UNKL: variants seen among roughly 807,000 people sequenced by gnomAD.
UNKL encodes unk like zinc finger.
A neutral mutation model predicts 78.0 loss-of-function variants in UNKL; 60 were observed. The ratio of observed to expected loss-of-function variants is 0.77; its 90% CI spans 0.63 to 0.95. UNKL has a LOEUF of 0.95. Among genes scored for constraint, UNKL ranks in the 40% least tolerant of loss-of-function variants. The pLI, the probability that UNKL is intolerant of heterozygous loss-of-function variation, is 0.00. For synonymous variants in UNKL, 608 were observed against 474.8 expected (o/e 1.28, Z -3.65); for missense variants, 1,159 against 1,045.7 (o/e 1.11, Z -1.49).
intron 11 of UNKL, among the ~76,000 whole-genome samples, chr16:1,370,701 G>A (rs1333486673): frequency 1.3e-5 from 2 of 152,240 alleles, no homozygotes; most frequent in African/African-American, 2.4e-5. Flanking sequence ...CACTTGTCCA[G>A]GCCCCCTGAA....
At position 1,370,341 on chromosome 16, in the gene UNKL, G is replaced by A. The variant is rs566933782; in HGVS notation, c.1374C>T (p.Ala458=). 1.9e-5 allele frequency: 29 copies of A among 1,532,864 alleles called. No homozygotes were observed. The African/African-American group carries it at 2.2e-4, about 12-fold the overall frequency. The allele number at this position is 1,532,864 out of a possible 1,614,324, so 95.0% of individuals were successfully genotyped here. Residue 458 remains alanine (A), a synonymous_variant, in exon 12 of 15, where the codon GCC becomes GCT. Transcript: ENST00000389221. Reference sequence around the variant, plus strand: ...CGGGGATGGCGACAGGTGCAGAGCCGGCCAGCGACCTGGGACCTGGCGGGG... The same window carrying A: ...CGGGGATGGCGACAGGTGCAGAGCCAGCCAGCGACCTGGGACCTGGCGGGG... ...DLGAAGPRSL[A]GSAPVAIPGS... is the part of the protein sequence containing the mutation.
intron 2 of UNKL, among the ~76,000 whole-genome samples, chr16:1,405,285 A>G (rs1214171752): frequency 2.0e-5 from 3 of 147,286 alleles, no homozygotes; most frequent in African/African-American, 8.0e-5. Context: ...GGGAGGGAGA[A>G]AGGAAGGAAG....
Position 1,366,093 on chromosome 16 carries a change from T to G in UNKL, c.*147A>C, listed in dbSNP as rs2035228490. The G allele has an allele frequency of 2.0e-6, 2 of 982,232 alleles. No homozygotes were observed. The highest frequency in any genetic ancestry group is 2.8e-6 in the Non-Finnish European group (2 of 720,156). The allele number at this position is 982,232 out of a possible 1,614,324, so 60.8% of individuals were successfully genotyped here. ...CTGTCAGGCCAAGCGCAGGCGGGGCTCCCAGCCTCATGATAACGTGTAACA... is the reference window on the plus strand; with the variant it reads ...CTGTCAGGCCAAGCGCAGGCGGGGCGCCCAGCCTCATGATAACGTGTAACA... On this transcript the variant is annotated 3_prime_UTR_variant, in exon 15 of 15. Coordinates refer to ENST00000389221, the MANE Select transcript of UNKL (RefSeq NM_001372107.1).
At chr16:1,398,303 C>T (rs972993743) in intron 5 of UNKL, 6 of 999,198 alleles carry the variant, frequency 6.0e-6, no homozygotes, top group South Asian at 4.2e-5. Flanking sequence ...CTCTACTCTT[C>T]GTGGAATCTC....
chr16:1,413,504 G>C (rs150272323), intron 2 of UNKL, among the ~76,000 whole-genome samples: 1,925 of 152,244 alleles, frequency 0.013, 45 homozygotes, highest in African/African-American at 0.043. Flanking sequence ...GGAGGTAGAG[G>C]CTGCAGTGAG....
intron 10 of UNKL, among the ~76,000 whole-genome samples, chr16:1,378,292 G>C (rs1475851264): frequency 6.6e-6 from 1 of 152,208 alleles, no homozygotes; most frequent in African/African-American, 2.4e-5. Flanking sequence ...TTGATGACGG[G>C]CAGGGCCAAG....
Position 1,403,202 on chromosome 16 carries a change from G to A in UNKL, c.430C>T (p.Pro144Ser). Residue 144 changes from proline to serine, a missense_variant, in exon 3 of 15, where the codon CCC becomes TCC. Physicochemically the swap from Pro to Ser is moderately conservative, Grantham distance 74 (BLOSUM62 -1). Transcript: ENST00000389221. This position sits in a 1 kb window ranked among gnomAD's most constrained non-coding sequence, Gnocchi z 4.8. ...NGLHCAFAHG[P>S]LDLRPPVCDV... ...CACACGGGCGGCCGCAGGTCCAGGGGGCCGTGCGCGAAGGCACAGTGCAGC... is the reference window on the plus strand; with the variant it reads ...CACACGGGCGGCCGCAGGTCCAGGGAGCCGTGCGCGAAGGCACAGTGCAGC... The A allele has an allele frequency of 6.2e-7, 1 of 1,613,706 alleles. No individual in the cohort carries two copies. The highest frequency in any genetic ancestry group is 1.1e-5 in the South Asian group (1 of 91,024).
intron 2 of UNKL, among the ~76,000 whole-genome samples, chr16:1,407,678 A>G (rs1287299024): frequency 1.3e-5 from 2 of 150,340 alleles, no homozygotes; most frequent in East Asian, 3.9e-4. Flanking sequence ...CCTGGGCGAC[A>G]GAGTGAGGCC....
chr16:1,384,113 C>T lies in UNKL; in HGVS notation c.1264+1095G>A, dbSNP rs1028684438. On this transcript the variant is annotated intron_variant, in intron 10 of 14. Coordinates refer to ENST00000389221, the MANE Select transcript of UNKL (RefSeq NM_001372107.1). ...GAGAGGCAGGTTTGGGTCCCTTGGG[C>T]GCTGGTGGCCATGGAACATGGGGCT... 9.2e-5 allele frequency among the ~76,000 whole-genome samples: 14 copies of T among 152,236 alleles called. 1 individual carries two copies. In the South Asian group the frequency reaches 2.5e-3, roughly 27 times the overall value.
chr16:1,390,297 T>C (rs1046982023), intron 9 of UNKL, among the ~76,000 whole-genome samples: 3 of 152,220 alleles, frequency 2.0e-5, no homozygotes, highest in African/African-American at 7.2e-5. Flanking sequence ...GTTCTGCTGT[T>C]GGAACGGCCC....
Position 1,414,685 on chromosome 16 carries a change from A to T in UNKL, c.7T>A (p.Ser3Thr). MPSVSKAAAAALS... is the reference protein window; with the variant it reads MPTVSKAAAAALS... ...GCCGCTGCCGCCGCTTTCGAAACCG[A>T]CGGCATTTTCAGTCAAAACAATGCA... The change falls in exon 1 of 15, where the codon TCG becomes ACG. Residue 3 changes from serine (S) to threonine (T), a missense_variant. Physicochemically the swap from Ser to Thr is moderately conservative, Grantham distance 58. Transcript: ENST00000389221. 1 of 1,144,722 alleles carries T rather than the reference A, an allele frequency of 8.7e-7. No homozygotes were observed. The allele number at this position is 1,144,722 out of a possible 1,614,324, so 70.9% of individuals were successfully genotyped here.
In UNKL at chr16:1,363,400, C is replaced by A; in HGVS notation, c.*2840G>T. ...TTCAAATAACATTCTCATGTAAATA[C>A]TCAAACATACAGATTGAGGCTTCCA... On this transcript the variant is annotated 3_prime_UTR_variant, in exon 15 of 15. Transcript: ENST00000389221. 1 of 391,218 alleles carries A rather than the reference C, an allele frequency of 2.6e-6. No homozygotes were observed. Among genetic ancestry groups the A allele is most frequent in the Non-Finnish European group, 4.9e-6 (1 of 206,028 alleles). The allele number at this position is 391,218 out of a possible 1,614,324, so 24.2% of individuals were successfully genotyped here.
chr16:1,369,929 C>T (rs780579192), intron 12 of UNKL: 32 of 1,545,316 alleles, frequency 2.1e-5, no homozygotes, highest in African/African-American at 1.9e-4. Context: ...GAGCCGAGAT[C>T]GTACCATTGC....
chr16:1,370,406 C>G, intron 11 of UNKL, 49 bp from the exon 12 acceptor site: 1 of 1,522,584 alleles, frequency 6.6e-7, no homozygotes, highest in Non-Finnish European at 8.8e-7. Flanking sequence ...AGGCCTCTGC[C>G]CAAACATCTG....
At chr16:1,397,921 A>G (rs1477103236) in intron 5 of UNKL, among the ~76,000 whole-genome samples, 1 of 152,222 alleles carries the variant, frequency 6.6e-6, no homozygotes, top group African/African-American at 2.4e-5. Context: ...GGGGCCCTGG[A>G]GTGACAGGCA....
chr16:1,398,353 A>AT, intron 5 of UNKL: 1 of 1,024,706 alleles, frequency 9.8e-7, no homozygotes, highest in African/African-American at 1.7e-5. Flanking sequence ...TATGGGACAC[A>AT]TTAAGTGCCT....
At chr16:1,404,726 T>A (rs531188571) in intron 2 of UNKL, among the ~76,000 whole-genome samples, 1 of 152,270 alleles carries the variant, frequency 6.6e-6, no homozygotes, top group South Asian at 2.1e-4. Context: ...TGGGCGCCAA[T>A]GGAGTCAATA....
chr16:1,366,058 A>T lies in UNKL; in HGVS notation c.*182T>A, dbSNP rs1441212177. On this transcript the variant is annotated 3_prime_UTR_variant, in exon 15 of 15. Coordinates refer to ENST00000389221, the MANE Select transcript of UNKL (RefSeq NM_001372107.1). ...AGGACTAGATAGGTGACAACGTGTG[A>T]CAGGAAAGGCTGTCAGGCCAAGCGC... is the stretch of plus-strand genomic sequence containing the variant. 4.7e-6 allele frequency: 3 copies of T among 631,876 alleles called. No individual in the cohort carries two copies. In the East Asian group the frequency reaches 9.3e-5, roughly 20 times the overall value. The allele number at this position is 631,876 out of a possible 1,614,324, so 39.1% of individuals were successfully genotyped here.
chr16:1,391,063 T>A (rs1411829029), intron 8 of UNKL, among the ~76,000 whole-genome samples: 1 of 151,396 alleles, frequency 6.6e-6, no homozygotes, highest in Non-Finnish European at 1.5e-5. Flanking sequence ...AAAAAGGATA[T>A]CGCTTGAACC....
Sources: allele counts gnomAD v4.1 joint callset (sites outside exome capture counted in the v4.1 genomes callset), GRCh38; gene constraint gnomAD v4.1.1; non-coding constraint Gnocchi (gnomAD v3.1); transcripts MANE v1.5; gene names NCBI Gene and HGNC (gene_info 2026-07-23, HGNC 2026-07-21).